HSD17B12: variants seen among roughly 807,000 people sequenced by gnomAD.
The protein encoded by HSD17B12 is very-long-chain 3-oxoacyl-CoA reductase.
HSD17B12 carries 32 observed loss-of-function variants against 39.3 expected under a neutral mutation model. The ratio of observed to expected loss-of-function variants is 0.81; its 90% CI spans 0.61 to 1.09. The LOEUF is 1.09. Ranked by LOEUF, HSD17B12 falls within the 50% of genes least tolerant of loss-of-function variation. The pLI is 0.00. For synonymous variants in HSD17B12, 150 were observed against 146.7 expected, an observed-to-expected ratio of 1.02 and a Z score of -0.16; for missense variants, 342 against 382.9, an observed-to-expected ratio of 0.89 and a Z score of 0.89.
chr11:43,777,677 C>G (rs1426152796), intron 3 of HSD17B12, among the ~76,000 whole-genome samples: 1 of 152,186 alleles, frequency 6.6e-6, no homozygotes, highest in African/African-American at 2.4e-5. Context: ...GCATCCCTGT[C>G]TTGTGCCAGT....
the HSD17B12 span, among the ~76,000 whole-genome samples, chr11:43,567,327 TC>T: frequency 6.6e-6 from 1 of 152,142 alleles, no homozygotes; most frequent in Non-Finnish European, 1.5e-5. Context: ...ATAAGAACCA[TC>T]CATTCTAGCC....
chr11:43,742,139 A>ATATATATATATTTTTT (rs61178234), intron 1 of HSD17B12, among the ~76,000 whole-genome samples: 1 of 123,508 alleles, frequency 8.1e-6, no homozygotes, highest in African/African-American at 3.0e-5. Flanking sequence ...ATATATATAT[A>ATATATATATATTTTTT]TTTTTTTTTT....
upstream of HSD17B12, among the ~76,000 whole-genome samples, chr11:43,676,605 T>C (rs768167523): frequency 7.2e-5 from 11 of 152,286 alleles, no homozygotes; most frequent in South Asian, 1.9e-3. Flanking sequence ...TTGCTCACTA[T>C]TTTATACCTA....
At chr11:43,631,573 G>GTCTCTC in the HSD17B12 span, among the ~76,000 whole-genome samples, 84 of 147,410 alleles carry the variant, frequency 5.7e-4, no homozygotes, top group African/African-American at 2.1e-3. Flanking sequence ...CTCTCTGCCT[G>GTCTCTC]TCTCTCTCTC....
At chr11:43,638,914 T>C in the HSD17B12 span, among the ~76,000 whole-genome samples, 1 of 152,086 alleles carries the variant, frequency 6.6e-6, no homozygotes, top group Admixed American at 6.5e-5. Flanking sequence ...GAGGGAGTCT[T>C]CCCGAAGATT....
At chr11:43,572,001 A>T in the HSD17B12 span, among the ~76,000 whole-genome samples, 1 of 152,204 alleles carries the variant, frequency 6.6e-6, no homozygotes, top group African/African-American at 2.4e-5. Flanking sequence ...TTTCTGAAGG[A>T]GCGACGGAGG....
chr11:43,835,376 G>A (rs527694414), intron 7 of HSD17B12, among the ~76,000 whole-genome samples: 10 of 152,174 alleles, frequency 6.6e-5, no homozygotes, highest in African/African-American at 2.2e-4. Context: ...GCTCAGCCCC[G>A]TTTCTACATA....
chr11:43,558,258 G>A, the HSD17B12 span, among the ~76,000 whole-genome samples: 132 of 152,104 alleles, frequency 8.7e-4, no homozygotes, highest in Middle Eastern at 3.4e-3. Flanking sequence ...TGACCTTGGG[G>A]GCCAGAGTTC....
the HSD17B12 span, among the ~76,000 whole-genome samples, chr11:43,559,450 G>T: frequency 6.6e-6 from 1 of 152,186 alleles, no homozygotes; most frequent in Non-Finnish European, 1.5e-5. Context: ...AGGTGCCCAA[G>T]CACTTGTCAC....
chr11:43,784,436 A>G (rs1337351141), intron 3 of HSD17B12, among the ~76,000 whole-genome samples: 1 of 149,864 alleles, frequency 6.7e-6, no homozygotes, highest in Non-Finnish European at 1.5e-5. Flanking sequence ...CTCCTGTCTT[A>G]TAAACTAGAC....
At chr11:43,794,717 G>C (rs185811860) in intron 3 of HSD17B12, among the ~76,000 whole-genome samples, 1 of 152,206 alleles carries the variant, frequency 6.6e-6, no homozygotes, top group Non-Finnish European at 1.5e-5. Flanking sequence ...CTGTCTGCTG[G>C]TGATACTCCC....
chr11:43,765,740 T>C (rs1422633536), intron 3 of HSD17B12, among the ~76,000 whole-genome samples: 1 of 152,228 alleles, frequency 6.6e-6, no homozygotes, highest in East Asian at 1.9e-4. Context: ...TTTTCTGCAG[T>C]GTCTAATCTG....
the HSD17B12 span, among the ~76,000 whole-genome samples, chr11:43,603,047 G>C: frequency 2.0e-5 from 3 of 152,160 alleles, no homozygotes; most frequent in East Asian, 1.9e-4. Context: ...CCATTTTCCA[G>C]CTCCAACACT....
the HSD17B12 span, among the ~76,000 whole-genome samples, chr11:43,606,635 G>A: frequency 5.3e-3 from 814 of 152,308 alleles, 11 homozygotes; most frequent in African/African-American, 0.019. Flanking sequence ...GAAGAATCAG[G>A]AGACAGGACT....
chr11:43,608,732 A>G, the HSD17B12 span, among the ~76,000 whole-genome samples: 1 of 152,220 alleles, frequency 6.6e-6, no homozygotes, highest in Non-Finnish European at 1.5e-5. Context: ...CAATAAAAAT[A>G]TTTGTAGCTA....
At chr11:43,654,424 C>T in the HSD17B12 span, among the ~76,000 whole-genome samples, 1 of 152,066 alleles carries the variant, frequency 6.6e-6, no homozygotes, top group Non-Finnish European at 1.5e-5. Context: ...TCAATTTTGG[C>T]TTTTGATGCC....
chr11:43,686,505 G>A (rs932372009), intron 1 of HSD17B12, among the ~76,000 whole-genome samples: 6 of 151,328 alleles, frequency 4.0e-5, no homozygotes, highest in African/African-American at 1.5e-4. Context: ...AAAGAGGGAG[G>A]TTTCCTGGGA....
intron 1 of HSD17B12, among the ~76,000 whole-genome samples, chr11:43,716,766 A>G (rs1271640040): frequency 6.7e-6 from 1 of 148,626 alleles, no homozygotes. Flanking sequence ...TAAAATATAT[A>G]TGTGCATAGG....
At chr11:43,706,038 A>T (rs1950011689) in intron 1 of HSD17B12, among the ~76,000 whole-genome samples, 1 of 152,044 alleles carries the variant, frequency 6.6e-6, no homozygotes, top group African/African-American at 2.4e-5. Flanking sequence ...GGTCACTGAA[A>T]AGCTGGAGCA....
Sources: gnomAD v4.1 joint callset for allele counts (sites outside exome capture counted in the v4.1 genomes callset) on GRCh38, gnomAD v4.1.1 for gene constraint, MANE v1.5 for transcripts, NCBI Gene and HGNC (gene_info 2026-07-23, HGNC 2026-07-21) for gene names.